RETREG1: variants seen among roughly 807,000 people sequenced by gnomAD.
The protein encoded by RETREG1 is family with sequence similarity 134 member B.
RETREG1 carries 44 observed loss-of-function variants against 54.8 expected under a neutral mutation model. That is an observed-to-expected ratio of 0.80 (90% CI 0.63 to 1.03). The LOEUF is 1.03. Among genes scored for constraint, RETREG1 ranks in the 50% least tolerant of loss-of-function variants. The pLI is 0.00. For missense variants in RETREG1, 554 were observed against 605.1 expected (o/e 0.92, Z 0.89); for synonymous variants, 217 against 238.5 (o/e 0.91, Z 0.83).
intron 3 of RETREG1, chr5:16,508,477 C>T (rs140488868): frequency 8.7e-7 from 1 of 1,154,010 alleles, no homozygotes; most frequent in Non-Finnish European, 1.3e-6. Context: ...CATATTTTTA[C>T]ATTTTAAACT....
chr5:16,489,042 C>G (rs1439752426), intron 3 of RETREG1, among the ~76,000 whole-genome samples: 1 of 128,504 alleles, frequency 7.8e-6, no homozygotes, highest in Non-Finnish European at 1.6e-5. Context: ...GAGATAGCGC[C>G]ACTGCACTCC....
At chr5:16,492,982 G>A (rs1739309471) in intron 3 of RETREG1, among the ~76,000 whole-genome samples, 1 of 152,206 alleles carries the variant, frequency 6.6e-6, no homozygotes, top group Admixed American at 6.5e-5. Flanking sequence ...CCCAAGGCCA[G>A]GGACCAGAAG....
At chr5:16,504,418 C>T (rs1275787101) in intron 3 of RETREG1, among the ~76,000 whole-genome samples, 1 of 152,168 alleles carries the variant, frequency 6.6e-6, no homozygotes, top group Non-Finnish European at 1.5e-5. Flanking sequence ...ATTTACACTA[C>T]AGGAATCAGC....
chr5:16,515,579 G>A (rs1431056244), intron 3 of RETREG1, among the ~76,000 whole-genome samples: 1 of 152,116 alleles, frequency 6.6e-6, no homozygotes, highest in Non-Finnish European at 1.5e-5. Flanking sequence ...CTTGTCAGGA[G>A]GTCACAAACA....
chr5:16,606,606 C>CAGGA (rs1356878052), intron 1 of RETREG1, among the ~76,000 whole-genome samples: 3 of 152,114 alleles, frequency 2.0e-5, no homozygotes, highest in Non-Finnish European at 4.4e-5. Flanking sequence ...CTACCAGGCA[C>CAGGA]TCCTCATCTA....
At chr5:16,508,528 G>T in intron 3 of RETREG1, 2 of 1,508,738 alleles carry the variant, frequency 1.3e-6, no homozygotes, top group African/African-American at 1.4e-5. Flanking sequence ...AAGATAACTA[G>T]CCAGTGAAAC....
At chr5:16,599,221 A>T (rs1447689963) in intron 1 of RETREG1, among the ~76,000 whole-genome samples, 2 of 152,126 alleles carry the variant, frequency 1.3e-5, no homozygotes, top group African/African-American at 4.8e-5. Flanking sequence ...AAAAGGAAAA[A>T]ATAAGTAAAT....
chr5:16,595,834 A>T (rs914117411), intron 1 of RETREG1, among the ~76,000 whole-genome samples: 2 of 152,192 alleles, frequency 1.3e-5, no homozygotes, highest in African/African-American at 4.8e-5. Context: ...AGGGTCCTGG[A>T]AGATTACGAG....
At chr5:16,610,512 A>G (rs1408797983) in intron 1 of RETREG1, among the ~76,000 whole-genome samples, 3 of 152,244 alleles carry the variant, frequency 2.0e-5, no homozygotes, top group Non-Finnish European at 2.9e-5. Flanking sequence ...TACTCATCTG[A>G]CAAAGGGCTA....
intron 3 of RETREG1, chr5:16,508,763 A>T (rs1327960162): frequency 6.6e-7 from 1 of 1,505,152 alleles, no homozygotes; most frequent in Non-Finnish European, 8.9e-7. Flanking sequence ...TTTGGAAAAA[A>T]AGTGCTCCTC....
intron 1 of RETREG1, among the ~76,000 whole-genome samples, chr5:16,614,269 G>A (rs1034271841): frequency 2.0e-5 from 3 of 152,272 alleles, no homozygotes; most frequent in East Asian, 3.9e-4. Flanking sequence ...TGCAACTCAT[G>A]TTACAGAAAT....
intron 3 of RETREG1, among the ~76,000 whole-genome samples, chr5:16,511,526 C>G (rs1253966721): frequency 6.6e-6 from 1 of 152,186 alleles, no homozygotes; most frequent in African/African-American, 2.4e-5. Flanking sequence ...AGCACCAGTA[C>G]TTTGTTTTAG....
At chr5:16,582,193 T>C (rs1017878303) in intron 1 of RETREG1, among the ~76,000 whole-genome samples, 11 of 152,272 alleles carry the variant, frequency 7.2e-5, no homozygotes, top group South Asian at 2.1e-4. Flanking sequence ...TTAGCTACGA[T>C]TGGAAAGGTA....
chr5:16,478,583 CA>C (rs1405235155), intron 6 of RETREG1, among the ~76,000 whole-genome samples: 1 of 152,086 alleles, frequency 6.6e-6, no homozygotes, highest in Non-Finnish European at 1.5e-5. Flanking sequence ...CTAAGTAAAT[CA>C]TAAGTAGCAC....
chr5:16,554,176 C>T (rs375045215), intron 3 of RETREG1, among the ~76,000 whole-genome samples: 4 of 152,342 alleles, frequency 2.6e-5, no homozygotes, highest in South Asian at 2.1e-4. Context: ...TTTTTCTTCA[C>T]CCCAATCCTG....
intron 1 of RETREG1, among the ~76,000 whole-genome samples, chr5:16,582,658 A>G (rs1742519190): frequency 1.7e-5 from 1 of 58,834 alleles, no homozygotes; most frequent in East Asian, 3.6e-4. Context: ...AAAAAATAAA[A>G]TAAGAAAAAA....
At chr5:16,609,139 C>G (rs1174921426) in intron 1 of RETREG1, among the ~76,000 whole-genome samples, 2 of 152,206 alleles carry the variant, frequency 1.3e-5, no homozygotes, top group African/African-American at 2.4e-5. Context: ...CCATAACAGG[C>G]AGTGCAAAGG....
At chr5:16,574,107 A>G (rs1275060920) in intron 1 of RETREG1, among the ~76,000 whole-genome samples, 1 of 152,152 alleles carries the variant, frequency 6.6e-6, no homozygotes, top group African/African-American at 2.4e-5. Flanking sequence ...AACTCAGATG[A>G]AAATAGAGGC....
rs561496638 is a variant in RETREG1, at chr5:16,558,364, G to A, written c.458+7399C>T. On this transcript the variant is annotated intron_variant, in intron 3 of 8. Transcript: ENST00000306320. ...CACCATGGGATGACATATCAAGAAG[G>A]CCCTCAAAGATGCAGGCCCCTTGAC... Among the ~76,000 whole-genome samples, 6 of 152,258 alleles carry A rather than the reference G, an allele frequency of 3.9e-5. No homozygotes were observed. The South Asian group carries it at 8.3e-4, about 21-fold the overall frequency.
Sources: allele counts gnomAD v4.1 joint callset (sites outside exome capture counted in the v4.1 genomes callset), GRCh38; gene constraint gnomAD v4.1.1; transcripts MANE v1.5; gene names NCBI Gene and HGNC (gene_info 2026-07-23, HGNC 2026-07-21).